The following PTGER3 variants were observed in gnomAD, a reference collection of about 807,000 sequenced individuals.
The protein encoded by PTGER3 is prostaglandin E receptor 3, also known as prostaglandin E2 receptor EP3 subtype.
A neutral mutation model predicts 34.7 loss-of-function variants in PTGER3; 22 were observed. That is an observed-to-expected ratio of 0.63 (90% confidence interval 0.45 to 0.91). PTGER3 has a LOEUF of 0.91. Ranked by LOEUF, PTGER3 falls within the 40% of genes least tolerant of loss-of-function variation. The pLI is 0.00. For synonymous variants in PTGER3, 241 were observed against 230.1 expected (o/e 1.05, Z -0.43); for missense variants, 468 against 519.4 (o/e 0.90, Z 0.96).
chr1:70,906,843 A>G (rs1311114981), intron 4 of PTGER3, among the ~76,000 whole-genome samples: 2 of 152,172 alleles, frequency 1.3e-5, no homozygotes, highest in South Asian at 2.1e-4. Context: ...CATTTTCTTA[A>G]TTTGAGGTAA....
At chr1:70,854,182 A>C (rs1645748484) in intron 4 of PTGER3, among the ~76,000 whole-genome samples, 1 of 152,184 alleles carries the variant, frequency 6.6e-6, no homozygotes, top group Non-Finnish European at 1.5e-5. Flanking sequence ...AGAGTGAAAA[A>C]TTAACCTACG....
chr1:70,878,805 A>G (rs1230029979), intron 4 of PTGER3, among the ~76,000 whole-genome samples: 3 of 152,054 alleles, frequency 2.0e-5, no homozygotes, highest in African/African-American at 4.8e-5. Context: ...GTATTGATTT[A>G]TATTTTTATT....
chr1:70,964,636 G>A (rs1175989071), intron 2 of PTGER3, among the ~76,000 whole-genome samples: 8 of 152,316 alleles, frequency 5.3e-5, no homozygotes, highest in Admixed American at 5.2e-4. Flanking sequence ...TCCCATGACA[G>A]GTGGGAATTA....
rs1646495294 is a variant in PTGER3, at chr1:70,886,189, A to G, written c.*24-33330T>C. 8.2e-6 allele frequency: 3 copies of G among 367,846 alleles called. No individual in the cohort carries two copies. The Admixed American group carries it at 8.6e-5, about 10-fold the overall frequency. 22.8% of individuals were successfully genotyped at this position (367,846 alleles called of 1,614,324 possible). ...TAATGCCCTTTTAAGAAGAGACAAG[A>G]GAGAGCTTGCTTCCCTTCTCTGTTT... On this transcript the variant is annotated intron_variant, in intron 4 of 4. Transcript: ENST00000370931.
exon 4 of PTGER3, chr1:70,952,848 C>A: frequency 6.7e-7 from 1 of 1,488,452 alleles, no homozygotes. Context: ...GAGTCACAAA[C>A]TCAGCTGGAG....
At chr1:70,904,146 G>A (rs1158228348) in intron 4 of PTGER3, among the ~76,000 whole-genome samples, 1 of 152,180 alleles carries the variant, frequency 6.6e-6, no homozygotes, top group Admixed American at 6.5e-5. Flanking sequence ...CGCCATCAAT[G>A]TAAGATGTGA....
At chr1:70,884,281 C>T (rs1646453334) in intron 4 of PTGER3, among the ~76,000 whole-genome samples, 1 of 152,124 alleles carries the variant, frequency 6.6e-6, no homozygotes, top group Admixed American at 6.5e-5. Context: ...CCCTGGTATA[C>T]ACATGCTGTA....
intron 2 of PTGER3, chr1:71,007,187 A>C (rs1398622511): frequency 1.0e-6 from 1 of 985,684 alleles, no homozygotes; most frequent in African/African-American, 1.7e-5. Context: ...TACAATATGG[A>C]TTAAAGTGCC....
At chr1:70,905,756 TG>T (rs2100361461) in intron 4 of PTGER3, among the ~76,000 whole-genome samples, 1 of 152,288 alleles carries the variant, frequency 6.6e-6, no homozygotes, top group South Asian at 2.1e-4. Flanking sequence ...GATGAGACAT[TG>T]GACTGTGGAC....
chr1:70,874,604 C>CTTTGT (rs1041352180), intron 4 of PTGER3, among the ~76,000 whole-genome samples: 3 of 152,072 alleles, frequency 2.0e-5, no homozygotes, highest in African/African-American at 7.2e-5. Context: ...ATCTGCCCTT[C>CTTTGT]TTTGTTTTCT....
intron 2 of PTGER3, among the ~76,000 whole-genome samples, chr1:70,955,088 G>A (rs1651184304): frequency 6.6e-6 from 1 of 152,080 alleles, no homozygotes; most frequent in Non-Finnish European, 1.5e-5. Context: ...GCAGTCAGTT[G>A]TAAACATTGA....
intron 4 of PTGER3, among the ~76,000 whole-genome samples, chr1:70,875,759 A>G (rs1197271543): frequency 3.3e-5 from 5 of 152,072 alleles, no homozygotes; most frequent in Admixed American, 1.3e-4. Context: ...GCTTAGGATT[A>G]TGGCCTCCAG....
At chr1:71,012,229 G>C in intron 2 of PTGER3, 76 bp downstream of exon 2, 3 of 1,613,132 alleles carry the variant, frequency 1.9e-6, no homozygotes, top group Non-Finnish European at 2.5e-6. Flanking sequence ...GCTTCTGTCT[G>C]TATTATTTCA....
At chr1:70,891,016 C>T (rs758007489) in intron 4 of PTGER3, among the ~76,000 whole-genome samples, 2 of 152,206 alleles carry the variant, frequency 1.3e-5, no homozygotes, top group Non-Finnish European at 2.9e-5. Context: ...AGTGCAGTTG[C>T]TTTTACTCAA....
chr1:70,852,510 C>T, exon 5 of PTGER3: 1 of 364,022 alleles, frequency 2.7e-6, no homozygotes, highest in Non-Finnish European at 4.9e-6. Flanking sequence ...CGATTTAGAG[C>T]TCCATGTTTC....
intron 4 of PTGER3, among the ~76,000 whole-genome samples, chr1:70,899,343 A>G (rs1408893603): frequency 6.6e-6 from 1 of 152,148 alleles, no homozygotes; most frequent in Non-Finnish European, 1.5e-5. Context: ...TGTGGTGCAT[A>G]TATATAATTC....
intron 1 of PTGER3, among the ~76,000 whole-genome samples, chr1:71,016,571 G>A (rs533486825): frequency 1.4e-3 from 216 of 152,236 alleles, no homozygotes; most frequent in Non-Finnish European, 2.5e-3. Flanking sequence ...GGGAGGTCGA[G>A]GCAGATGGAT....
intron 2 of PTGER3, among the ~76,000 whole-genome samples, chr1:70,999,680 A>C (rs2100807391): frequency 6.6e-6 from 1 of 152,336 alleles, no homozygotes; most frequent in Middle Eastern, 3.4e-3. Flanking sequence ...TCTGCTTTTC[A>C]GTAAGCATTC....
chr1:70,876,923 GC>G (rs1396223711), intron 4 of PTGER3, among the ~76,000 whole-genome samples: 2 of 152,136 alleles, frequency 1.3e-5, no homozygotes, highest in African/African-American at 4.8e-5. Flanking sequence ...GCTTAGAATG[GC>G]CTTGGCCATT....
Sources: allele counts gnomAD v4.1 joint callset (sites outside exome capture counted in the v4.1 genomes callset), GRCh38; gene constraint gnomAD v4.1.1; transcripts MANE v1.5; gene names NCBI Gene and HGNC (gene_info 2026-07-23, HGNC 2026-07-21).